ZYG11B: variants seen among roughly 807,000 people sequenced by gnomAD.
The protein encoded by ZYG11B is zyg-11 family member B, cell cycle regulator.
Under a neutral mutation model 82.4 loss-of-function variants are expected in ZYG11B, and 36 were observed. That is an observed-to-expected ratio of 0.44 (90% CI 0.33 to 0.58). The LOEUF (loss-of-function observed/expected upper bound fraction) is 0.58. Ranked by LOEUF, ZYG11B falls within the 20% of genes least tolerant of loss-of-function variation. ZYG11B has a pLI of 0.02. For synonymous variants in ZYG11B, 303 were observed against 312.8 expected (o/e 0.97, Z 0.33); for missense variants, 552 against 895.6 (o/e 0.62, Z 4.90).
intron 10 of ZYG11B, among the ~76,000 whole-genome samples, chr1:52,804,816 G>T (rs1645127824): frequency 6.6e-6 from 1 of 151,980 alleles, no homozygotes. Context: ...TATTGGTCAG[G>T]TGCAGTGGCT....
chr1:52,758,497 C>T, intron 2 of ZYG11B, among the ~76,000 whole-genome samples: 1 of 152,048 alleles, frequency 6.6e-6, no homozygotes, highest in Non-Finnish European at 1.5e-5. Context: ...AATTCATGTG[C>T]AAGTCTGTCC....
In ZYG11B at chr1:52,821,920, A is replaced by G. The variant is rs1352258117; in HGVS notation, c.*291A>G. ...TTGAGATTCTACAGTTTTATGGTAA[A>G]GTTTGCACGAACCCTTAGGCCAGAC... On this transcript the variant is annotated 3_prime_UTR_variant, in exon 14 of 14. Transcript: ENST00000294353. 7.7e-6 allele frequency: 2 copies of G among 259,352 alleles called. No individual in the cohort carries two copies. The highest frequency in any genetic ancestry group is 4.4e-5 in the African/African-American group (2 of 45,448). 16.1% of individuals were successfully genotyped at this position (259,352 alleles called of 1,614,324 possible).
chr1:52,801,674 T>C, intron 8 of ZYG11B, 145 bp from the exon 9 acceptor site: 1 of 603,870 alleles, frequency 1.7e-6, no homozygotes. Flanking sequence ...AAAAGTTCAG[T>C]CCAAGGGGCT....
In ZYG11B at chr1:52,813,844, G is replaced by A. The variant is rs373307153; in HGVS notation, c.1894-16G>A. The A allele has an allele frequency of 4.6e-5, 75 of 1,613,922 alleles. No individual in the cohort carries two copies. Among genetic ancestry groups the A allele is most frequent in the Non-Finnish European group, 6.8e-6 (8 of 1,179,984 alleles). ...TAAATATTGTAATCCTTTCTTGTGTGTCTTTTGTCTTCCAGCATTCAGCTA... is the reference window on the plus strand; with the variant it reads ...TAAATATTGTAATCCTTTCTTGTGTATCTTTTGTCTTCCAGCATTCAGCTA... On this transcript the variant is annotated splice_polypyrimidine_tract_variant and intron_variant, in intron 11 of 13. Transcript: ENST00000294353.
intron 6 of ZYG11B, among the ~76,000 whole-genome samples, chr1:52,791,161 C>T (rs939055211): frequency 6.6e-6 from 1 of 151,452 alleles, no homozygotes; most frequent in Non-Finnish European, 1.5e-5. Context: ...TTGGTACAGA[C>T]AGGGTTTCAC....
Position 52,823,097 on chromosome 1 carries a change from A to G in ZYG11B, c.*1468A>G, listed in dbSNP as rs1408833107. 1 of 152,166 alleles carries G rather than the reference A, an allele frequency of 6.6e-6. No homozygotes were observed. The highest frequency in any genetic ancestry group is 2.4e-5 in the African/African-American group (1 of 41,442). 9.4% of individuals were successfully genotyped at this position (152,166 alleles called of 1,614,324 possible). On this transcript the variant is annotated 3_prime_UTR_variant, in exon 14 of 14. Transcript: ENST00000294353. Reference sequence around the variant, plus strand: ...GACAAACATTTTATACCATTATCACAATAATCAGACTTGAATTTTTTTTGG... The same window carrying G: ...GACAAACATTTTATACCATTATCACGATAATCAGACTTGAATTTTTTTTGG...
At chr1:52,744,427 T>C (rs1644459946) in intron 1 of ZYG11B, among the ~76,000 whole-genome samples, 1 of 152,216 alleles carries the variant, frequency 6.6e-6, no homozygotes, top group Non-Finnish European at 1.5e-5. Flanking sequence ...AACACATGAC[T>C]GTACTAATAT....
chr1:52,730,752 G>A (rs1425669977), intron 1 of ZYG11B, among the ~76,000 whole-genome samples: 1 of 151,952 alleles, frequency 6.6e-6, no homozygotes, highest in Non-Finnish European at 1.5e-5. Flanking sequence ...GCCTGAGGTG[G>A]GAGGCTCACT....
chr1:52,808,697 T>C (rs1013716507), intron 10 of ZYG11B, among the ~76,000 whole-genome samples: 1 of 152,176 alleles, frequency 6.6e-6, no homozygotes, highest in Non-Finnish European at 1.5e-5. Context: ...GCAGCCCTTT[T>C]CCCCATATTG....
At chr1:52,814,716 C>T (rs939518021) in intron 12 of ZYG11B, among the ~76,000 whole-genome samples, 1 of 152,006 alleles carries the variant, frequency 6.6e-6, no homozygotes, top group South Asian at 2.1e-4. Flanking sequence ...CACACACACA[C>T]ACACACACAC....
chr1:52,792,533 A>G (rs1329149242), intron 6 of ZYG11B, among the ~76,000 whole-genome samples: 1 of 152,194 alleles, frequency 6.6e-6, no homozygotes, highest in Non-Finnish European at 1.5e-5. Flanking sequence ...AAATAGAGAC[A>G]CAGAAAGGAT....
intron 4 of ZYG11B, among the ~76,000 whole-genome samples, chr1:52,783,936 CTATA>C (rs1255272464): frequency 4.5e-5 from 3 of 67,026 alleles, no homozygotes; most frequent in Non-Finnish European, 8.9e-5. Flanking sequence ...GTATATACAT[CTATA>C]CATATATGTA....
At chr1:52,756,961 G>A (rs1472680884) in intron 2 of ZYG11B, among the ~76,000 whole-genome samples, 2 of 150,854 alleles carry the variant, frequency 1.3e-5, no homozygotes, top group Non-Finnish European at 3.0e-5. Flanking sequence ...GGGACCACAG[G>A]CTTGTGCCAC....
intron 2 of ZYG11B, among the ~76,000 whole-genome samples, chr1:52,758,672 A>G (rs1222473856): frequency 6.6e-6 from 1 of 152,210 alleles, no homozygotes; most frequent in Non-Finnish European, 1.5e-5. Flanking sequence ...AAGAAAGAGT[A>G]GGATGAAATG....
chr1:52,760,042 C>T (rs1558124205), intron 2 of ZYG11B, among the ~76,000 whole-genome samples: 1 of 152,112 alleles, frequency 6.6e-6, no homozygotes, highest in Non-Finnish European at 1.5e-5. Flanking sequence ...CTATGTTGGC[C>T]AGGCTGGTCC....
intron 1 of ZYG11B, among the ~76,000 whole-genome samples, chr1:52,728,015 G>A (rs1331200192): frequency 2.0e-5 from 3 of 152,048 alleles, no homozygotes; most frequent in Admixed American, 2.0e-4. Context: ...ACTCACTCCT[G>A]CATTTTTAGT....
chr1:52,726,506 T>G lies in ZYG11B; in HGVS notation c.-148T>G. 1.4e-6 allele frequency: 1 copy of G among 691,638 alleles called. No individual in the cohort carries two copies. The highest frequency in any genetic ancestry group is 2.0e-6 in the Non-Finnish European group (1 of 489,016). 42.8% of individuals were successfully genotyped at this position (691,638 alleles called of 1,614,324 possible). On this transcript the variant is annotated 5_prime_UTR_variant, in exon 1 of 14. Coordinates refer to ENST00000294353, the MANE Select transcript of ZYG11B (RefSeq NM_024646.3). ...CTGCGGCTGCGGCTGCGGCTGCTAC[T>G]GCTACGCTCCTAGCTTGAGGGAAAG...
intron 10 of ZYG11B, among the ~76,000 whole-genome samples, chr1:52,804,920 C>T (rs749857307): frequency 2.2e-4 from 34 of 151,724 alleles, no homozygotes; most frequent in Non-Finnish European, 4.1e-4. Context: ...GGAGAAGTCT[C>T]GTTTCTACTA....
Position 52,779,887 on chromosome 1 carries a change from A to G in ZYG11B, c.986A>G (p.Glu329Gly). Residue 329 changes from glutamate (E) to glycine (G), a missense_variant, in exon 4 of 14, where the codon GAA becomes GGA. By Grantham distance (98) the Glu-to-Gly change is moderately conservative. Around this residue, in one of 3 missense-constraint regions of ZYG11B, gnomAD observed 359 missense variants for 555.8 expected, o/e 0.65. Coordinates refer to ENST00000294353, the MANE Select transcript of ZYG11B (RefSeq NM_024646.3). ...GAAGCCAATGAAACTCAGATTGCAG[A>G]AGCACTGAAGCGTTACAGTGAACGG... ...SGEANETQIA[E>G]ALKRYSERAF... is the part of the protein sequence containing the mutation. 1.2e-6 allele frequency: 2 copies of G among 1,614,224 alleles called. No homozygotes were observed. Among genetic ancestry groups the G allele is most frequent in the Non-Finnish European group, 1.7e-6 (2 of 1,180,036 alleles).
Sources: allele counts gnomAD v4.1 joint callset (sites outside exome capture counted in the v4.1 genomes callset), GRCh38; gene constraint gnomAD v4.1.1; regional missense constraint gnomAD v4.1.1; transcripts MANE v1.5; gene names NCBI Gene and HGNC (gene_info 2026-07-23, HGNC 2026-07-21).